Variants in ATP8A2 observed in about 807,000 individuals in gnomAD.
ATP8A2 encodes the protein phospholipid-transporting ATPase IB.
ATP8A2 carries 100 observed loss-of-function variants against 165.6 expected under a neutral mutation model. The observed-to-expected ratio is 0.60, with a 90% CI of 0.51 to 0.71. ATP8A2 has a LOEUF of 0.71. Among genes scored for constraint, ATP8A2 ranks in the 30% least tolerant of loss-of-function variants. The pLI, the probability that ATP8A2 is intolerant of heterozygous loss-of-function variation, is 0.00. For synonymous variants in ATP8A2, 543 were observed against 548.8 expected, an observed-to-expected ratio of 0.99 and a Z score of 0.15; for missense variants, 1,227 against 1,479.5, an observed-to-expected ratio of 0.83 and a Z score of 2.80.
chr13:25,591,441 CATA>C (rs986081205), intron 24 of ATP8A2: 1 of 449,824 alleles, frequency 2.2e-6, no homozygotes, highest in East Asian at 7.0e-5. Context: ...TTTCATGTAA[CATA>C]ATGTCTTCAA....
At chr13:25,602,278 T>C (rs2040407902) in intron 24 of ATP8A2, among the ~76,000 whole-genome samples, 2 of 152,166 alleles carry the variant, frequency 1.3e-5, no homozygotes, top group Non-Finnish European at 1.5e-5. Flanking sequence ...GTAAGTGTTA[T>C]TGAGGAATGT....
intron 27 of ATP8A2, among the ~76,000 whole-genome samples, chr13:25,817,716 A>G (rs953899127): frequency 1.3e-5 from 2 of 149,412 alleles, no homozygotes; most frequent in Non-Finnish European, 3.0e-5. Context: ...TGTTTTTGAG[A>G]TATGATGTCA....
chr13:25,405,289 C>T (rs1488103280), intron 1 of ATP8A2, among the ~76,000 whole-genome samples: 1 of 152,132 alleles, frequency 6.6e-6, no homozygotes, highest in Non-Finnish European at 1.5e-5. Context: ...GAAGAGGCTG[C>T]TGAAAAGTTG....
At chr13:25,587,494 T>C (rs1176302212) in intron 23 of ATP8A2, among the ~76,000 whole-genome samples, 1 of 152,160 alleles carries the variant, frequency 6.6e-6, no homozygotes, top group Non-Finnish European at 1.5e-5. Flanking sequence ...AGTTGTCAAA[T>C]GGCATTTTGC....
chr13:25,546,601 A>T (rs1235983768), intron 10 of ATP8A2, among the ~76,000 whole-genome samples: 1 of 151,832 alleles, frequency 6.6e-6, no homozygotes, highest in Non-Finnish European at 1.5e-5. Flanking sequence ...TTACATGTAG[A>T]AATATTTATG....
At chr13:25,478,909 G>A (rs901439598) in intron 2 of ATP8A2, among the ~76,000 whole-genome samples, 1 of 151,696 alleles carries the variant, frequency 6.6e-6, no homozygotes, top group Non-Finnish European at 1.5e-5. Context: ...GGGCAGTGGC[G>A]TGATCTTGGC....
At chr13:25,986,129 G>A (rs997819543) in intron 35 of ATP8A2, among the ~76,000 whole-genome samples, 1 of 152,166 alleles carries the variant, frequency 6.6e-6, no homozygotes, top group Non-Finnish European at 1.5e-5. Flanking sequence ...GTGTACAACA[G>A]ATGGTTTGAT....
At chr13:25,810,123 G>A (rs1440777510) in intron 27 of ATP8A2, among the ~76,000 whole-genome samples, 1 of 152,122 alleles carries the variant, frequency 6.6e-6, no homozygotes, top group East Asian at 1.9e-4. Flanking sequence ...TTCAGCTTTT[G>A]GTAGTCTCTA....
intron 2 of ATP8A2, among the ~76,000 whole-genome samples, chr13:25,522,719 T>G (rs1156287406): frequency 1.3e-5 from 2 of 152,218 alleles, no homozygotes; most frequent in Non-Finnish European, 2.9e-5. Context: ...ATTTATAGAT[T>G]TGTATATGTT....
At chr13:25,458,718 T>C (rs2035427692) in intron 1 of ATP8A2, among the ~76,000 whole-genome samples, 1 of 152,228 alleles carries the variant, frequency 6.6e-6, no homozygotes, top group Admixed American at 6.5e-5. Context: ...GGGAAAGTTT[T>C]CCCAGTTGGA....
chr13:25,983,356 C>G (rs1211362115), intron 35 of ATP8A2, among the ~76,000 whole-genome samples: 1 of 152,100 alleles, frequency 6.6e-6, no homozygotes. Flanking sequence ...TTTGTTCTCC[C>G]AAAACTTTGT....
At chr13:25,706,890 T>C (rs1019787357) in intron 25 of ATP8A2, among the ~76,000 whole-genome samples, 2 of 152,180 alleles carry the variant, frequency 1.3e-5, no homozygotes, top group Non-Finnish European at 2.9e-5. Flanking sequence ...AATTTAACTC[T>C]AACATGAATG....
chr13:25,488,343 T>G (rs1283835358), intron 2 of ATP8A2, among the ~76,000 whole-genome samples: 1 of 152,236 alleles, frequency 6.6e-6, no homozygotes, highest in Non-Finnish European at 1.5e-5. Context: ...CCCGTGCCCC[T>G]GGCAGTCACC....
intron 25 of ATP8A2, among the ~76,000 whole-genome samples, chr13:25,732,492 A>G (rs185655427): frequency 6.6e-6 from 1 of 152,276 alleles, no homozygotes; most frequent in African/African-American, 2.4e-5. Context: ...AGATAAATAA[A>G]TGAAACATCT....
intron 25 of ATP8A2, among the ~76,000 whole-genome samples, chr13:25,735,223 A>G (rs2043741497): frequency 6.6e-6 from 1 of 152,164 alleles, no homozygotes; most frequent in African/African-American, 2.4e-5. Flanking sequence ...TAGAGGTCAT[A>G]TCTTCGAGGA....
intron 24 of ATP8A2, among the ~76,000 whole-genome samples, chr13:25,608,254 A>G (rs919537685): frequency 6.6e-6 from 1 of 152,204 alleles, no homozygotes; most frequent in Admixed American, 6.5e-5. Context: ...GAACCCCACA[A>G]TGGGGAGCAA....
chr13:25,733,196 A>G (rs2043691145), intron 25 of ATP8A2, among the ~76,000 whole-genome samples: 1 of 152,184 alleles, frequency 6.6e-6, no homozygotes, highest in Non-Finnish European at 1.5e-5. Flanking sequence ...TCATAGCATA[A>G]TAAAGAATGG....
At chr13:25,582,579 G>A (rs764480936) in intron 23 of ATP8A2, among the ~76,000 whole-genome samples, 14 of 152,240 alleles carry the variant, frequency 9.2e-5, no homozygotes, top group Non-Finnish European at 1.9e-4. Flanking sequence ...GCATTATGGT[G>A]TAACAAGACC....
chr13:25,977,011 C>A (rs1956058921), intron 35 of ATP8A2, among the ~76,000 whole-genome samples: 2 of 139,774 alleles, frequency 1.4e-5, no homozygotes, highest in Admixed American at 7.5e-5. Context: ...TGGTCTTGAA[C>A]TCCTGACCTT....
Sources: gnomAD v4.1 joint callset for allele counts (sites outside exome capture counted in the v4.1 genomes callset) on GRCh38, gnomAD v4.1.1 for gene constraint, MANE v1.5 for transcripts, NCBI Gene and HGNC (gene_info 2026-07-23, HGNC 2026-07-21) for gene names.